Variants in FGD6 observed in about 807,000 individuals in gnomAD.
The protein encoded by FGD6 is FYVE, RhoGEF and PH domain-containing protein 6.
Under a neutral mutation model 149.4 loss-of-function variants are expected in FGD6, and 90 were observed. The ratio of observed to expected loss-of-function variants is 0.60; its 90% CI spans 0.51 to 0.72. FGD6 has a LOEUF of 0.72. Among genes scored for constraint, FGD6 ranks in the 30% least tolerant of loss-of-function variants. The pLI is 0.00. For synonymous variants in FGD6, 527 were observed against 584.0 expected (o/e 0.90, Z 1.41); for missense variants, 1,437 against 1,684.8 (o/e 0.85, Z 2.57).
In FGD6 at chr12:95,163,184, T is replaced by G. The variant is rs987345915; in HGVS notation, c.2586+9416A>C. Among the ~76,000 whole-genome samples the G allele has an allele frequency of 8.9e-4, 136 of 152,264 alleles. 1 individual carries two copies. The highest frequency in any genetic ancestry group is 1.6e-4 in the Non-Finnish European group (11 of 68,024). ...CTTCTCCCTCCTCCTCCACACTGTG[T>G]ACTCTCTAACCCACCACGCTGCAAC... On this transcript the variant is annotated intron_variant, in intron 3 of 20. Transcript: ENST00000343958.
intron 3 of FGD6, among the ~76,000 whole-genome samples, chr12:95,167,345 T>A (rs1880848799): frequency 1.3e-5 from 2 of 152,112 alleles, no homozygotes; most frequent in African/African-American, 2.4e-5. Flanking sequence ...CCATTTTAGA[T>A]CCTATAAGGA....
chr12:95,100,633 C>T, intron 14 of FGD6: 3 of 528,156 alleles, frequency 5.7e-6, no homozygotes, highest in South Asian at 1.4e-5. Context: ...GGACTCTAAA[C>T]CAGTGTGCAC....
chr12:95,215,545 CA>C (rs1451169449), intron 1 of FGD6, among the ~76,000 whole-genome samples: 2 of 152,144 alleles, frequency 1.3e-5, no homozygotes, highest in Non-Finnish European at 2.9e-5. Flanking sequence ...GATGGGTGAG[CA>C]AAAAAGTAGT....
At chr12:95,193,772 G>A (rs1215883370) in intron 2 of FGD6, among the ~76,000 whole-genome samples, 4 of 151,844 alleles carry the variant, frequency 2.6e-5, no homozygotes. Flanking sequence ...CAGGTGATCC[G>A]CCTGCCTCGG....
At chr12:95,199,692 T>C (rs1592874369) in intron 2 of FGD6, among the ~76,000 whole-genome samples, 2 of 151,198 alleles carry the variant, frequency 1.3e-5, no homozygotes, top group East Asian at 2.0e-4. Context: ...GCAGCCTCTG[T>C]TTCCCATGTT....
intron 2 of FGD6, 68 bp from the exon 3 acceptor site, chr12:95,172,812 A>G: frequency 2.3e-6 from 3 of 1,280,776 alleles, no homozygotes; most frequent in Non-Finnish European, 3.2e-6. Flanking sequence ...ACAAAAACCA[A>G]ATCAACATCT....
chr12:95,171,292 AAAATTATGGCACAGGAATTAGGCG>A (rs1211343385), intron 3 of FGD6, among the ~76,000 whole-genome samples: 1 of 152,180 alleles, frequency 6.6e-6, no homozygotes, highest in Non-Finnish European at 1.5e-5. Context: ...ATAGATTGAT[AAAATTATGGCACAGGAATTAGGCG>A]AAATTATGGC....
At chr12:95,176,474 G>C (rs1211026895) in intron 2 of FGD6, among the ~76,000 whole-genome samples, 4 of 152,144 alleles carry the variant, frequency 2.6e-5, no homozygotes, top group African/African-American at 9.7e-5. Flanking sequence ...CAAAGAGTGG[G>C]CTCTACTTCC....
intron 6 of FGD6, among the ~76,000 whole-genome samples, chr12:95,138,224 A>AT (rs1879733995): frequency 6.9e-6 from 1 of 143,902 alleles, no homozygotes; most frequent in Non-Finnish European, 1.5e-5. Context: ...AAATAAATAA[A>AT]TAAATAAATA....
chr12:95,129,186 G>C (rs1296434701), intron 8 of FGD6, among the ~76,000 whole-genome samples: 1 of 152,200 alleles, frequency 6.6e-6, no homozygotes, highest in African/African-American at 2.4e-5. Flanking sequence ...GGAGGAAAGA[G>C]AAAAGGGAAG....
chr12:95,206,141 C>T (rs1592877179), intron 2 of FGD6, among the ~76,000 whole-genome samples: 1 of 151,944 alleles, frequency 6.6e-6, no homozygotes, highest in Admixed American at 6.6e-5. Flanking sequence ...AGGGTTTAAG[C>T]CTGATGGCCA....
At chr12:95,098,893 G>A (rs1470191716) in intron 14 of FGD6, among the ~76,000 whole-genome samples, 8 of 133,580 alleles carry the variant, frequency 6.0e-5, no homozygotes, top group Non-Finnish European at 1.1e-4. Context: ...TTTTTGAGAC[G>A]GAGTCTCGCT....
intron 14 of FGD6, chr12:95,100,926 T>G (rs1296053400): frequency 2.7e-6 from 1 of 370,270 alleles, no homozygotes; most frequent in African/African-American, 2.1e-5. Context: ...GACAAGAAAC[T>G]GAAGCTGTCT....
intron 2 of FGD6, among the ~76,000 whole-genome samples, chr12:95,199,740 G>T (rs1290307664): frequency 6.6e-6 from 1 of 151,846 alleles, no homozygotes; most frequent in Admixed American, 6.6e-5. Flanking sequence ...GAGTAGCTGG[G>T]ACTACAGGCA....
intron 8 of FGD6, chr12:95,126,255 A>T: frequency 1.5e-6 from 2 of 1,311,196 alleles, no homozygotes; most frequent in Non-Finnish European, 1.1e-6. Flanking sequence ...CGCTGTGGGC[A>T]AGAAGGCTCC....
chr12:95,209,153 T>C lies in FGD6; in HGVS notation c.2131A>G (p.Thr711Ala). The C allele has an allele frequency of 6.2e-7, 1 of 1,614,174 alleles. No individual in the cohort carries two copies. The highest frequency in any genetic ancestry group is 8.5e-7 in the Non-Finnish European group (1 of 1,180,032). Residue 711 changes from threonine to alanine, a missense_variant, in exon 2 of 21, where the codon ACC becomes GCC. Coordinates refer to ENST00000343958, the MANE Select transcript of FGD6 (RefSeq NM_018351.4). Reference protein sequence around the residue: ...QKKRKKSRGQTSAANGLRAES... With the variant: ...QKKRKKSRGQASAANGLRAES... ...GCTCTCAGACCATTAGCTGCACTGG[T>C]CTGGCCCCGAGACTTCTTCCTCTTC...
chr12:95,113,407 A>G (rs758560663), intron 9 of FGD6, among the ~76,000 whole-genome samples: 2 of 150,812 alleles, frequency 1.3e-5, no homozygotes, highest in Non-Finnish European at 3.0e-5. Flanking sequence ...TAGTTTTTGT[A>G]TTTTTTTTAG....
In FGD6 at chr12:95,081,499, G is replaced by A. The variant is rs1303020558; in HGVS notation, c.*21C>T. Reference sequence around the variant, plus strand: ...GAAATTCCACCTCTTTGGAATCACAGAAGAGATGAAACCAATACTGCTACA... The same window carrying A: ...GAAATTCCACCTCTTTGGAATCACAAAAGAGATGAAACCAATACTGCTACA... On this transcript the variant is annotated 3_prime_UTR_variant, in exon 21 of 21. Coordinates refer to ENST00000343958, the MANE Select transcript of FGD6 (RefSeq NM_018351.4). 1 of 1,587,022 alleles carries A rather than the reference G, an allele frequency of 6.3e-7. No homozygotes were observed. Among genetic ancestry groups the A allele is most frequent in the East Asian group, 2.3e-5 (1 of 44,172 alleles).
At chr12:95,216,169 A>G (rs940627314) in intron 1 of FGD6, among the ~76,000 whole-genome samples, 7 of 152,226 alleles carry the variant, frequency 4.6e-5, no homozygotes, top group Admixed American at 2.6e-4. Flanking sequence ...CAACACTACA[A>G]TATATCTAGG....
Sources: gnomAD v4.1 joint callset for allele counts (sites outside exome capture counted in the v4.1 genomes callset) on GRCh38, gnomAD v4.1.1 for gene constraint, MANE v1.5 for transcripts, NCBI Gene and HGNC (gene_info 2026-07-23, HGNC 2026-07-21) for gene names.